The following FGF19 variants were observed in gnomAD, a reference collection of about 807,000 sequenced individuals.
The protein encoded by FGF19 is fibroblast growth factor 19.
Under a neutral mutation model 8.9 loss-of-function variants are expected in FGF19, and 5 were observed. The observed-to-expected ratio is 0.56, with a 90% CI of 0.29 to 1.18. FGF19 has a LOEUF of 1.18. Ranked by LOEUF, FGF19 falls within the 50% of genes most tolerant of loss-of-function variation. FGF19 has a pLI of 0.08. For missense variants in FGF19, 237 were observed against 293.9 expected (o/e 0.81, Z 1.42); for synonymous variants, 124 against 128.0 (o/e 0.97, Z 0.21).
At position 69,703,813 on chromosome 11, in the gene FGF19, C is replaced by T; in HGVS notation, c.64G>A (p.Gly22Arg). ...ILAGLWLAVA[G>R]RPLAFSDAGP... ...GCGTCCGAGAAGGCGAGGGGGCGCC[C>T]GGCCACGGCCAGCCAGAGGCCGGCC... The change falls in exon 1 of 3, where the codon GGG becomes AGG. Residue 22 changes from glycine (G) to arginine (R), a missense_variant. By Grantham distance (125) the Gly-to-Arg change is moderately radical. Coordinates refer to ENST00000294312, the MANE Select transcript of FGF19 (RefSeq NM_005117.3). This position sits in a 1 kb window ranked among gnomAD's most constrained non-coding sequence, Gnocchi z 6.8. 4.0e-6 allele frequency: 5 copies of T among 1,235,998 alleles called. No homozygotes were observed. Among genetic ancestry groups the T allele is most frequent in the Non-Finnish European group, 5.1e-6 (5 of 989,928 alleles). The allele number at this position is 1,235,998 out of a possible 1,614,324, so 76.6% of individuals were successfully genotyped here. A position where few individuals can be genotyped will look rare whatever the true frequency, so the allele number is the denominator to read the frequency against.
chr11:69,699,422 TGA>T lies in FGF19; in HGVS notation c.489_490del (p.His164PhefsTer13). On this transcript the variant is annotated frameshift_variant, in exon 3 of 3. Transcript: ENST00000294312. LOFTEE classifies it low-confidence loss of function (END_TRUNC). ...GACCATGGGCAGCATGGGCAGGAAA[TGA>T]GAGAGTGGAAGAAAGCCTCTGTTCT... 6.2e-7 allele frequency: 1 copy of T among 1,613,906 alleles called. No homozygotes were observed. The highest frequency in any genetic ancestry group is 8.5e-7 in the Non-Finnish European group (1 of 1,179,892).
Position 69,703,752 on chromosome 11 carries a change from A to T in FGF19, c.125T>A (p.Ile42Asn). 8.1e-7 allele frequency: 1 copy of T among 1,233,856 alleles called. No individual in the cohort carries two copies. 76.4% of individuals were successfully genotyped at this position (1,233,856 alleles called of 1,614,324 possible). A position where few individuals can be genotyped will look rare whatever the true frequency, so the allele number is the denominator to read the frequency against. ...GGAGGTGTACAGGTGCCGCAGGCGG[A>T]TGGGGTCGCCCCAGCCGTAGTGCAC... ...PHVHYGWGDP[I>N]RLRHLYTSGP... The change falls in exon 1 of 3, where the codon ATC becomes AAC. Residue 42 changes from isoleucine to asparagine, a missense_variant. Coordinates refer to ENST00000294312, the MANE Select transcript of FGF19 (RefSeq NM_005117.3). The surrounding 1 kb of genome is among the most constrained non-coding windows in gnomAD (Gnocchi z 6.8).
Position 69,702,722 on chromosome 11 carries a change from T to G in FGF19, c.336+539A>C, listed in dbSNP as rs1854789098. 6.6e-6 allele frequency among the ~76,000 whole-genome samples: 1 copy of G among 152,126 alleles called. No homozygotes were observed. The highest frequency in any genetic ancestry group is 6.5e-5 in the Admixed American group (1 of 15,270). ...CATCTGCGTCTAAGCCACACCGTGC[T>G]CCTGGTAGATTAAAAATTAATTCTA... On this transcript the variant is annotated intron_variant, in intron 2 of 2. Transcript: ENST00000294312. This position sits in a 1 kb window ranked among gnomAD's most constrained non-coding sequence, Gnocchi z 4.6.
At chr11:69,701,134 G>A (rs1478837942) in intron 2 of FGF19, among the ~76,000 whole-genome samples, 1 of 152,234 alleles carries the variant, frequency 6.6e-6, no homozygotes, top group Non-Finnish European at 1.5e-5. Flanking sequence ...CAGCAAGCGT[G>A]ATTTCTCCCA....
At chr11:69,700,581 C>T (rs1480130619) in intron 2 of FGF19, among the ~76,000 whole-genome samples, 8 of 152,198 alleles carry the variant, frequency 5.3e-5, no homozygotes, top group African/African-American at 1.7e-4. Flanking sequence ...GCGTGTGATC[C>T]GATCTGGGTC....
Position 69,704,022 on chromosome 11 carries a change from C to T in FGF19, c.-146G>A. The T allele has an allele frequency of 2.1e-6, 1 of 473,382 alleles. No individual in the cohort carries two copies. The highest frequency in any genetic ancestry group is 3.4e-6 in the Non-Finnish European group (1 of 295,324). 29.3% of individuals were successfully genotyped at this position (473,382 alleles called of 1,614,324 possible). On this transcript the variant is annotated 5_prime_UTR_variant, in exon 1 of 3. Coordinates refer to ENST00000294312, the MANE Select transcript of FGF19 (RefSeq NM_005117.3). The stretch of plus-strand genomic sequence containing the variant: ...GGACGCAGCGCTCCTGCTCTGACGG[C>T]GCGGCGGCTCCGGGCCGGCAGCCTT...
At position 69,699,228 on chromosome 11, in the gene FGF19, T is replaced by C; in HGVS notation, c.*34A>G. On this transcript the variant is annotated 3_prime_UTR_variant, in exon 3 of 3. Coordinates refer to ENST00000294312, the MANE Select transcript of FGF19 (RefSeq NM_005117.3). ...CCCACGCTGCAGGTACCACAGCCCC[T>C]GGCAGCAGTGAAGAGGCCCGGGCAT... The C allele has an allele frequency of 6.6e-7, 1 of 1,521,336 alleles. No homozygotes were observed. The highest frequency in any genetic ancestry group is 9.0e-7 in the Non-Finnish European group (1 of 1,114,854). The allele number at this position is 1,521,336 out of a possible 1,614,324, so 94.2% of individuals were successfully genotyped here. A position where few individuals can be genotyped will look rare whatever the true frequency, so the allele number is the denominator to read the frequency against.
chr11:69,702,636 T>C lies in FGF19; in HGVS notation c.336+625A>G, dbSNP rs1388513866. The stretch of plus-strand genomic sequence containing the variant: ...CCCCCTGCCCCCACCAGAAAGCGTT[T>C]ACAGGACAGGTGAGGCCCGCAGGAG... On this transcript the variant is annotated intron_variant, in intron 2 of 2. Transcript: ENST00000294312. The surrounding 1 kb of genome is among the most constrained non-coding windows in gnomAD (Gnocchi z 4.6). 6.6e-6 allele frequency among the ~76,000 whole-genome samples: 1 copy of C among 152,036 alleles called. No individual in the cohort carries two copies. The highest frequency in any genetic ancestry group is 2.4e-5 in the African/African-American group (1 of 41,386).
In FGF19 at chr11:69,702,434, G is replaced by A. The variant is rs985500922; in HGVS notation, c.336+827C>T. Among the ~76,000 whole-genome samples the A allele has an allele frequency of 6.6e-6, 1 of 152,124 alleles. No homozygotes were observed. The highest frequency in any genetic ancestry group is 1.5e-5 in the Non-Finnish European group (1 of 68,006). On this transcript the variant is annotated intron_variant, in intron 2 of 2. Coordinates refer to ENST00000294312, the MANE Select transcript of FGF19 (RefSeq NM_005117.3). This position sits in a 1 kb window ranked among gnomAD's most constrained non-coding sequence, Gnocchi z 4.6. The stretch of plus-strand genomic sequence containing the variant: ...CGCCAGGGAGTCCGGGGCTGCGTGT[G>A]AGGCCTGCGCGGGCCGAGACCTCAC...
In FGF19 at chr11:69,699,390, C is replaced by T. The variant is rs1854743122; in HGVS notation, c.523G>A (p.Glu175Lys). The T allele has an allele frequency of 1.2e-6, 2 of 1,614,044 alleles. No individual in the cohort carries two copies. Among genetic ancestry groups the T allele is most frequent in the African/African-American group, 1.3e-5 (1 of 74,926 alleles). The change falls in exon 3 of 3, where the codon GAG becomes AAG. Residue 175 changes from glutamate to lysine, a missense_variant. Physicochemically the swap from Glu to Lys is moderately conservative, Grantham distance 56. Transcript: ENST00000294312. Reference sequence around the variant, plus strand: ...AAGTGGCCCCTGAGGTCCTCAGGCTCCTCTGGGACCATGGGCAGCATGGGC... The same window carrying T: ...AAGTGGCCCCTGAGGTCCTCAGGCTTCTCTGGGACCATGGGCAGCATGGGC... Reference protein sequence around the residue: ...FLPMLPMVPEEPEDLRGHLES... With the variant: ...FLPMLPMVPEKPEDLRGHLES...
rs1165330863 is a variant in FGF19 at position 69,703,924 on chromosome 11, G to A, written c.-48C>T. ...CGCAGCTCCGGCGATGGGGGTGCGGGAGGCTGGGCGGCGACCGGGATGCGC... is the reference window on the plus strand; with the variant it reads ...CGCAGCTCCGGCGATGGGGGTGCGGAAGGCTGGGCGGCGACCGGGATGCGC... On this transcript the variant is annotated 5_prime_UTR_variant, in exon 1 of 3. Transcript: ENST00000294312. This position sits in a 1 kb window ranked among gnomAD's most constrained non-coding sequence, Gnocchi z 6.8. 5 of 1,161,964 alleles carry A rather than the reference G, an allele frequency of 4.3e-6. No individual in the cohort carries two copies. The highest frequency in any genetic ancestry group is 5.4e-6 in the Non-Finnish European group (5 of 919,772). 72.0% of individuals were successfully genotyped at this position (1,161,964 alleles called of 1,614,324 possible).
rs1362947298 is a variant in FGF19 at position 69,703,330 on chromosome 11, G to A, written c.267C>T (p.Thr89=). The change falls in exon 2 of 3, where the codon ACC becomes ACT. Residue 89 remains threonine, a synonymous_variant. Coordinates refer to ENST00000294312, the MANE Select transcript of FGF19 (RefSeq NM_005117.3). This position sits in a 1 kb window ranked among gnomAD's most constrained non-coding sequence, Gnocchi z 6.8. ...CGCTGTGCACGCCCTTGATGGCCAC[G>A]GTCCGCAGAGCGACTGCCTTGATCT... ...LLEIKAVALR[T]VAIKGVHSVR... is the part of the protein sequence containing the mutation. 1.2e-6 allele frequency: 2 copies of A among 1,610,488 alleles called. No individual in the cohort carries two copies. The highest frequency in any genetic ancestry group is 8.5e-7 in the Non-Finnish European group (1 of 1,178,876).
chr11:69,703,522 C>T lies in FGF19; in HGVS notation c.232+123G>A. ...TCCAGGTGCCAAAACCTGGGGTTCC[C>T]AGGAGTTGAGGGGTCCGCAGGAGCC... On this transcript the variant is annotated intron_variant, in intron 1 of 2. Coordinates refer to ENST00000294312, the MANE Select transcript of FGF19 (RefSeq NM_005117.3). This position sits in a 1 kb window ranked among gnomAD's most constrained non-coding sequence, Gnocchi z 6.8. 1 of 791,300 alleles carries T rather than the reference C, an allele frequency of 1.3e-6. No homozygotes were observed. Among genetic ancestry groups the T allele is most frequent in the East Asian group, 3.2e-5 (1 of 31,462 alleles). 49.0% of individuals were successfully genotyped at this position (791,300 alleles called of 1,614,324 possible). A position where few individuals can be genotyped will look rare whatever the true frequency, so the allele number is the denominator to read the frequency against.
In FGF19 at chr11:69,699,419, A is replaced by C. The variant is rs762991078; in HGVS notation, c.494T>G (p.Phe165Cys). 5.0e-6 allele frequency: 8 copies of C among 1,614,204 alleles called. No homozygotes were observed. The highest frequency in any genetic ancestry group is 6.8e-6 in the Non-Finnish European group (8 of 1,180,022). The change falls in exon 3 of 3, where the codon TTC becomes TGC. Residue 165 changes from phenylalanine to cysteine, a missense_variant. Coordinates refer to ENST00000294312, the MANE Select transcript of FGF19 (RefSeq NM_005117.3). ...TGGGACCATGGGCAGCATGGGCAGG[A>C]AATGAGAGAGTGGAAGAAAGCCTCT... ...KNRGFLPLSH[F>C]LPMLPMVPEE... is the part of the protein sequence containing the mutation.
chr11:69,703,158 G>T lies in FGF19; in HGVS notation c.336+103C>A. 1.3e-6 allele frequency: 1 copy of T among 743,266 alleles called. No individual in the cohort carries two copies. The highest frequency in any genetic ancestry group is 2.2e-6 in the Non-Finnish European group (1 of 463,124). 46.0% of individuals were successfully genotyped at this position (743,266 alleles called of 1,614,324 possible). On this transcript the variant is annotated intron_variant, in intron 2 of 2. Coordinates refer to ENST00000294312, the MANE Select transcript of FGF19 (RefSeq NM_005117.3). This position sits in a 1 kb window ranked among gnomAD's most constrained non-coding sequence, Gnocchi z 6.8. ...CGCGGGTCTGGGCGGAGGAGGCGAGGAAACCCTGGATTCGAACCAGCGCCT... is the reference window on the plus strand; with the variant it reads ...CGCGGGTCTGGGCGGAGGAGGCGAGTAAACCCTGGATTCGAACCAGCGCCT...
At chr11:69,699,872 A>T (rs1326408967) in intron 2 of FGF19, among the ~76,000 whole-genome samples, 1 of 152,182 alleles carries the variant, frequency 6.6e-6, no homozygotes, top group Non-Finnish European at 1.5e-5. Context: ...GGATCACCTG[A>T]ATCCAGGAGT....
Position 69,703,371 on chromosome 11 carries a change from G to T in FGF19, c.233-7C>A, listed in dbSNP as rs777761575. 2.5e-6 allele frequency: 4 copies of T among 1,597,528 alleles called. No homozygotes were observed. The highest frequency in any genetic ancestry group is 1.3e-5 in the African/African-American group (1 of 74,576). ...GCCTTGATCTCCAGCAAACCTAGGC[G>T]CAGGGGAAGCGAGAAGCTGCAGCAA... On this transcript the variant is annotated splice_region_variant and splice_polypyrimidine_tract_variant and intron_variant, in intron 1 of 2. Coordinates refer to ENST00000294312, the MANE Select transcript of FGF19 (RefSeq NM_005117.3). The surrounding 1 kb of genome is among the most constrained non-coding windows in gnomAD (Gnocchi z 6.8).
chr11:69,700,039 T>C (rs762071459), intron 2 of FGF19, among the ~76,000 whole-genome samples: 46 of 151,514 alleles, frequency 3.0e-4, no homozygotes, highest in Non-Finnish European at 5.9e-4. Context: ...CACTGAGCAA[T>C]GATCATGCCA....
In FGF19 at chr11:69,699,102, G is replaced by A. The variant is rs956109905; in HGVS notation, c.*160C>T. The A allele has an allele frequency of 1.6e-6, 1 of 607,754 alleles. No homozygotes were observed. 37.6% of individuals were successfully genotyped at this position (607,754 alleles called of 1,614,324 possible). On this transcript the variant is annotated 3_prime_UTR_variant, in exon 3 of 3. Transcript: ENST00000294312. ...AGACAAGTCTATTGGCTAGAAACTGGCACTGCCAATGGAAAACTCTGAATA... is the reference window on the plus strand; with the variant it reads ...AGACAAGTCTATTGGCTAGAAACTGACACTGCCAATGGAAAACTCTGAATA...
Sources: gnomAD v4.1 joint callset for allele counts (sites outside exome capture counted in the v4.1 genomes callset) on GRCh38, gnomAD v4.1.1 for gene constraint, Gnocchi (gnomAD v3.1) non-coding constraint, MANE v1.5 for transcripts, NCBI Gene and HGNC (gene_info 2026-07-23, HGNC 2026-07-21) for gene names.